Variants in NELL2 observed in about 807,000 individuals in gnomAD.
The protein encoded by NELL2 is protein kinase C-binding protein NELL2.
A neutral mutation model predicts 109.6 loss-of-function variants in NELL2; 41 were observed. The ratio of observed to expected loss-of-function variants is 0.37; its 90% CI spans 0.29 to 0.49. The LOEUF is 0.49. Ranked by LOEUF, NELL2 falls within the 20% of genes least tolerant of loss-of-function variation. NELL2 has a pLI of 0.98. For synonymous variants in NELL2, 355 were observed against 344.7 expected, an observed-to-expected ratio of 1.03 and a Z score of -0.33; for missense variants, 900 against 1,008.3, an observed-to-expected ratio of 0.89 and a Z score of 1.45.
intron 2 of NELL2, among the ~76,000 whole-genome samples, chr12:44,820,638 A>G (rs1396720550): frequency 1.3e-5 from 2 of 151,854 alleles, no homozygotes; most frequent in African/African-American, 4.8e-5. Context: ...AGAAAGTAGA[A>G]CCTAAAGAAC....
chr12:44,787,956 C>T (rs2167213), intron 3 of NELL2, among the ~76,000 whole-genome samples: 35,956 of 152,000 alleles, frequency 0.24, 4,533 homozygotes, highest in South Asian at 0.3. Flanking sequence ...AAATTGAAAA[C>T]TGGACACCAT....
At chr12:44,649,635 C>T (rs1947233341) in intron 13 of NELL2, among the ~76,000 whole-genome samples, 2 of 152,184 alleles carry the variant, frequency 1.3e-5, no homozygotes, top group Non-Finnish European at 1.5e-5. Context: ...GGTCTCTGCA[C>T]ATTTTCCAGA....
At chr12:44,515,819 C>T (rs765167266) in intron 19 of NELL2, among the ~76,000 whole-genome samples, 15 of 151,890 alleles carry the variant, frequency 9.9e-5, no homozygotes, top group Admixed American at 2.0e-4. Flanking sequence ...ACTCTTCATG[C>T]TAACCTTTGA....
At chr12:44,880,258 G>C (rs922237646), upstream of NELL2, among the ~76,000 whole-genome samples, 1 of 151,324 alleles carries the variant, frequency 6.6e-6, no homozygotes, top group Non-Finnish European at 1.5e-5. Flanking sequence ...ATTTTTAAAG[G>C]GATATAAAAG....
At chr12:44,899,715 A>G (rs1945637972) in intron 1 of NELL2, among the ~76,000 whole-genome samples, 1 of 152,174 alleles carries the variant, frequency 6.6e-6, no homozygotes, top group African/African-American at 2.4e-5. Context: ...AATGGGCAAA[A>G]TAACCAGCTA....
At chr12:44,860,452 T>TA (rs1944805875) in intron 2 of NELL2, among the ~76,000 whole-genome samples, 1 of 152,250 alleles carries the variant, frequency 6.6e-6, no homozygotes, top group Non-Finnish European at 1.5e-5. Flanking sequence ...TGGGTCTCCC[T>TA]AAGCAGACAT....
chr12:44,674,889 T>A (rs895859294), intron 12 of NELL2, among the ~76,000 whole-genome samples: 10 of 152,186 alleles, frequency 6.6e-5, no homozygotes, highest in African/African-American at 1.7e-4. Context: ...TAAGTTTTTT[T>A]TAATATATCT....
At position 44,631,600 on chromosome 12, in the gene NELL2, A is replaced by T. The variant is rs908917666; in HGVS notation, c.1445-20630T>A. On this transcript the variant is annotated intron_variant, in intron 13 of 19. Coordinates refer to ENST00000429094, the MANE Select transcript of NELL2 (RefSeq NM_001145108.2). ...GGGTGCAATGCTCAATACATGGGTAACAGTATCAATCACACCCCAAACCTC... is the reference window on the plus strand; with the variant it reads ...GGGTGCAATGCTCAATACATGGGTATCAGTATCAATCACACCCCAAACCTC... 4.6e-5 allele frequency among the ~76,000 whole-genome samples: 7 copies of T among 152,224 alleles called. No individual in the cohort carries two copies. In the South Asian group the frequency reaches 8.3e-4, roughly 18 times the overall value.
intron 15 of NELL2, among the ~76,000 whole-genome samples, chr12:44,589,851 A>G (rs1359753641): frequency 6.6e-6 from 1 of 152,082 alleles, no homozygotes; most frequent in Non-Finnish European, 1.5e-5. Flanking sequence ...ACTTTTTCCA[A>G]CCCACTAAAT....
At chr12:44,697,172 T>C (rs1049324405) in intron 12 of NELL2, among the ~76,000 whole-genome samples, 51 of 152,260 alleles carry the variant, frequency 3.3e-4, no homozygotes, top group African/African-American at 1.1e-3. Context: ...ATATTAAACA[T>C]GGAAATAAAC....
intron 18 of NELL2, among the ~76,000 whole-genome samples, chr12:44,521,123 A>C (rs1012673836): frequency 6.6e-6 from 1 of 152,186 alleles, no homozygotes; most frequent in Admixed American, 6.5e-5. Context: ...CTGAAAAAAG[A>C]CTTTATCAAG....
intron 9 of NELL2, among the ~76,000 whole-genome samples, chr12:44,726,449 C>T (rs1006621946): frequency 4.6e-5 from 7 of 152,060 alleles, no homozygotes; most frequent in Non-Finnish European, 8.8e-5. Context: ...CAATGGGCTT[C>T]GCTTTCTAGT....
chr12:44,545,906 C>T (rs1942775915), intron 15 of NELL2, among the ~76,000 whole-genome samples: 1 of 152,036 alleles, frequency 6.6e-6, no homozygotes, highest in Non-Finnish European at 1.5e-5. Context: ...AGATTGAATA[C>T]TTGATCTACT....
intron 15 of NELL2, among the ~76,000 whole-genome samples, chr12:44,555,547 G>A (rs1305743174): frequency 6.6e-6 from 1 of 152,158 alleles, no homozygotes; most frequent in Non-Finnish European, 1.5e-5. Context: ...TGCTAGCAAT[G>A]GGATCAGCTG....
chr12:44,616,093 G>A (rs947253435), intron 13 of NELL2, among the ~76,000 whole-genome samples: 1 of 152,092 alleles, frequency 6.6e-6, no homozygotes, highest in Non-Finnish European at 1.5e-5. Flanking sequence ...TGTGCATTGT[G>A]CTGGATAATT....
chr12:44,538,443 G>A (rs943744233), intron 15 of NELL2, among the ~76,000 whole-genome samples: 3 of 152,158 alleles, frequency 2.0e-5, no homozygotes, highest in African/African-American at 4.8e-5. Context: ...TACAACACAC[G>A]TTCACATTCA....
chr12:44,601,570 T>C (rs774347541), intron 15 of NELL2, among the ~76,000 whole-genome samples: 19 of 152,144 alleles, frequency 1.2e-4, no homozygotes, highest in Admixed American at 8.5e-4. Flanking sequence ...CTCTTAACCT[T>C]TCTCTTATAA....
chr12:44,813,092 T>C (rs745627035), intron 3 of NELL2, among the ~76,000 whole-genome samples: 13 of 152,146 alleles, frequency 8.5e-5, no homozygotes, highest in South Asian at 2.1e-4. Context: ...AGGGGGACAA[T>C]TGAAGTACAG....
intron 15 of NELL2, among the ~76,000 whole-genome samples, chr12:44,555,664 C>G (rs571504816): frequency 2.0e-5 from 3 of 152,222 alleles, no homozygotes; most frequent in East Asian, 3.9e-4. Context: ...GTTGCAGAGA[C>G]CAGCATGACA....
Sources: gnomAD v4.1 joint callset for allele counts (sites outside exome capture counted in the v4.1 genomes callset) on GRCh38, gnomAD v4.1.1 for gene constraint, MANE v1.5 for transcripts, NCBI Gene and HGNC (gene_info 2026-07-23, HGNC 2026-07-21) for gene names.